Variants in SMARCA2 observed in about 807,000 individuals in gnomAD.
SMARCA2 encodes SWI/SNF related BAF chromatin remodeling complex subunit ATPase 2.
SMARCA2 carries 61 observed loss-of-function variants against 199.8 expected under a neutral mutation model. That is an observed-to-expected ratio of 0.31 (90% confidence interval 0.25 to 0.38). The LOEUF (loss-of-function observed/expected upper bound fraction) is 0.38. SMARCA2 is among the 10% of genes least tolerant of loss of function. The probability of loss-of-function intolerance (pLI) is 1.00; values close to 1 mark genes in which losing one functional copy is unlikely to be tolerated. For synonymous variants in SMARCA2, 935 were observed against 732.0 expected (o/e 1.28, Z -4.48); for missense variants, 1,344 against 2,012.2 (o/e 0.67, Z 6.35).
At chr9:2,127,193 C>A in intron 27 of SMARCA2, among the ~76,000 whole-genome samples, 1 of 152,052 alleles carries the variant, frequency 6.6e-6, no homozygotes, top group East Asian at 1.9e-4. Flanking sequence ...TCACAGTTTC[C>A]TAGTATTCTC....
intron 9 of SMARCA2, among the ~76,000 whole-genome samples, chr9:2,065,799 T>C (rs2130386749): frequency 6.6e-6 from 1 of 152,330 alleles, no homozygotes; most frequent in African/African-American, 2.4e-5. Flanking sequence ...CTAATGTAAT[T>C]CTGGACATTT....
At chr9:2,124,061 T>G (rs1823582852) in intron 27 of SMARCA2, 124 bp downstream of exon 27, 2 of 744,302 alleles carry the variant, frequency 2.7e-6, no homozygotes, top group Non-Finnish European at 4.7e-6. Context: ...GAAGGGGCTC[T>G]TGAACACAGA....
chr9:2,088,091 G>C (rs891412974), intron 18 of SMARCA2, among the ~76,000 whole-genome samples: 2 of 152,168 alleles, frequency 1.3e-5, no homozygotes, highest in African/African-American at 4.8e-5. Context: ...CTGTGTCTGA[G>C]ACAACCAAGA....
chr9:2,180,341 AT>A (rs1051912107), intron 29 of SMARCA2, among the ~76,000 whole-genome samples: 2 of 152,082 alleles, frequency 1.3e-5, no homozygotes, highest in Non-Finnish European at 2.9e-5. Flanking sequence ...GCACTTCAGC[AT>A]TTTTTCCACT....
At chr9:2,117,190 AT>A (rs34394922) in intron 25 of SMARCA2, among the ~76,000 whole-genome samples, 12 of 150,468 alleles carry the variant, frequency 8.0e-5, no homozygotes, top group Non-Finnish European at 1.3e-4. Context: ...CTGTCTGTAT[AT>A]TTTTTTTTTC....
At chr9:2,186,058 AGCTTGCAGTTTT>A (rs1827427955) in intron 31 of SMARCA2, 26 bp from the exon 32 acceptor site, 1 of 1,602,690 alleles carries the variant, frequency 6.2e-7, no homozygotes, top group African/African-American at 1.3e-5. Flanking sequence ...ATGGTAACTC[AGCTTGCAGTTTT>A]AACAGATGCC....
intron 1 of SMARCA2, among the ~76,000 whole-genome samples, chr9:2,019,299 C>CTCT (rs1586612833): frequency 6.6e-6 from 1 of 152,124 alleles, no homozygotes; most frequent in African/African-American, 2.4e-5. Context: ...TGCAGCCTTT[C>CTCT]TCTTATGACT....
chr9:2,185,986 A>C, intron 31 of SMARCA2, 110 bp from the exon 32 acceptor site: 2 of 1,079,606 alleles, frequency 1.9e-6, no homozygotes, highest in Non-Finnish European at 2.7e-6. Flanking sequence ...GCTAACGGTG[A>C]CATTTCTACT....
intron 33 of SMARCA2, chr9:2,191,679 T>G (rs533677795): frequency 6.8e-6 from 2 of 295,706 alleles, no homozygotes; most frequent in Non-Finnish European, 1.3e-5. Flanking sequence ...TCTTCCCACA[T>G]GCTTTCTTAT....
At chr9:2,059,938 T>G (rs1820511108) in intron 8 of SMARCA2, among the ~76,000 whole-genome samples, 1 of 152,126 alleles carries the variant, frequency 6.6e-6, no homozygotes. Flanking sequence ...CAAAGAGATT[T>G]CTCTCAAAAT....
At chr9:2,107,459 A>T (rs1822807329) in intron 23 of SMARCA2, among the ~76,000 whole-genome samples, 1 of 152,184 alleles carries the variant, frequency 6.6e-6, no homozygotes, top group African/African-American at 2.4e-5. Context: ...CTGGGATTAC[A>T]GATGTGTGCC....
Position 2,101,500 on chromosome 9 carries a change from C to A in SMARCA2, c.3079-70C>A. The A allele has an allele frequency of 2.4e-6, 2 of 819,800 alleles. 1 individual carries two copies. The highest frequency in any genetic ancestry group is 3.8e-6 in the Non-Finnish European group (2 of 521,758). The allele number at this position is 819,800 out of a possible 1,614,324, so 50.8% of individuals were successfully genotyped here. On this transcript the variant is annotated intron_variant, in intron 21 of 33. Coordinates refer to ENST00000349721, the MANE Select transcript of SMARCA2 (RefSeq NM_003070.5). ...TATAGAAATAGGTAGGATAACCTCA[C>A]TAAAAGAGTAATCATTAAGTTAATA... is the stretch of plus-strand genomic sequence containing the variant.
rs114791094 is a variant in SMARCA2, at chr9:2,060,594, C to T, written c.1522-222C>T. On this transcript the variant is annotated intron_variant, in intron 8 of 33. Transcript: ENST00000349721. ...CCACACGTACAGTGTGGCTTTGTGC[C>T]CGGACTTTGCTGTAAACTCCAGTGT... 1.1e-3 allele frequency among the ~76,000 whole-genome samples: 163 copies of T among 152,330 alleles called. 1 individual carries two copies. Among genetic ancestry groups the T allele is most frequent in the African/African-American group, 3.7e-3 (152 of 41,578 alleles).
intron 27 of SMARCA2, chr9:2,158,721 A>G: frequency 2.4e-6 from 1 of 421,002 alleles, no homozygotes; most frequent in Non-Finnish European, 4.2e-6. Context: ...TTTAGTAAAT[A>G]ATTTTTTAAA....
At chr9:2,030,736 C>T (rs2130188396) in intron 2 of SMARCA2, among the ~76,000 whole-genome samples, 1 of 152,078 alleles carries the variant, frequency 6.6e-6, no homozygotes, top group South Asian at 2.1e-4. Context: ...CAAGTTGACA[C>T]ATAAAATGAA....
chr9:2,051,889 G>C (rs1017632106), intron 5 of SMARCA2, among the ~76,000 whole-genome samples: 2 of 151,994 alleles, frequency 1.3e-5, no homozygotes, highest in East Asian at 3.9e-4. Flanking sequence ...CATCTTAATT[G>C]TTAAGATGCA....
chr9:2,090,230 A>G (rs932029866), intron 19 of SMARCA2, among the ~76,000 whole-genome samples: 1 of 152,204 alleles, frequency 6.6e-6, no homozygotes, highest in African/African-American at 2.4e-5. Context: ...TATGAAATGT[A>G]TCTACCCTCA....
intron 27 of SMARCA2, among the ~76,000 whole-genome samples, chr9:2,147,371 G>A (rs535145491): frequency 2.7e-4 from 41 of 152,024 alleles, no homozygotes; most frequent in Non-Finnish European, 3.7e-4. Context: ...ACATTCATTA[G>A]GGTGAGAAAA....
At chr9:2,033,187 T>C in intron 3 of SMARCA2, 106 bp downstream of exon 3, 1 of 1,288,392 alleles carries the variant, frequency 7.8e-7, no homozygotes, top group Non-Finnish European at 1.1e-6. Context: ...TAAGGAAGGT[T>C]GAACCTAGTA....
Sources: allele counts gnomAD v4.1 joint callset (sites outside exome capture counted in the v4.1 genomes callset), GRCh38; gene constraint gnomAD v4.1.1; transcripts MANE v1.5; gene names NCBI Gene and HGNC (gene_info 2026-07-23, HGNC 2026-07-21).